TRMT11: variants seen among roughly 807,000 people sequenced by gnomAD.
The protein encoded by TRMT11 is tRNA (guanine(10)-N(2))-methyltransferase TRMT11.
TRMT11 carries 53 observed loss-of-function variants against 62.8 expected under a neutral mutation model. The ratio of observed to expected loss-of-function variants is 0.84; its 90% CI spans 0.68 to 1.06. The LOEUF is 1.06. Ranked by LOEUF, TRMT11 falls within the 50% of genes least tolerant of loss-of-function variation. TRMT11 has a pLI of 0.00. For missense variants in TRMT11, 556 were observed against 553.4 expected (o/e 1.00, Z -0.05); for synonymous variants, 188 against 190.3 (o/e 0.99, Z 0.10).
At chr6:126,074,650 AT>A (rs1295308900) in intron 17 of TRMT11, among the ~76,000 whole-genome samples, 1 of 152,052 alleles carries the variant, frequency 6.6e-6, no homozygotes, top group African/African-American at 2.4e-5. Context: ...TTTCTTAAGA[AT>A]TTTTTTATGT....
Position 126,021,936 on chromosome 6 carries a change from C to T in TRMT11, c.1260+656C>T, listed in dbSNP as rs141643708. On this transcript the variant is annotated intron_variant, in intron 12 of 12. Transcript: ENST00000334379. ...AAAGCTCTTTGGGCTGTACTTCTGT[C>T]GATTGACAACCAAAGCTCTCTTAAA... 9.2e-5 allele frequency among the ~76,000 whole-genome samples: 14 copies of T among 152,092 alleles called. No individual in the cohort carries two copies. In the East Asian group the frequency reaches 1.9e-3, roughly 21 times the overall value.
At chr6:126,089,714 CTTAAT>C (rs528108824) in intron 17 of TRMT11, among the ~76,000 whole-genome samples, 1 of 152,162 alleles carries the variant, frequency 6.6e-6, no homozygotes, top group Non-Finnish European at 1.5e-5. Flanking sequence ...AGGTTTTCTT[CTTAAT>C]TTAAGTTCAA....
intron 7 of TRMT11, among the ~76,000 whole-genome samples, chr6:126,008,176 A>G (rs1426464631): frequency 6.6e-6 from 1 of 152,044 alleles, no homozygotes; most frequent in African/African-American, 2.4e-5. Context: ...TAATGATGCC[A>G]GGGTATACAT....
intron 12 of TRMT11, among the ~76,000 whole-genome samples, chr6:126,031,885 G>A (rs1176003976): frequency 6.6e-6 from 1 of 152,140 alleles, no homozygotes; most frequent in African/African-American, 2.4e-5. Context: ...ATACTACTGA[G>A]GGGGCTCCTG....
At chr6:126,115,636 G>A (rs1373328459) in intron 20 of TRMT11, among the ~76,000 whole-genome samples, 1 of 152,204 alleles carries the variant, frequency 6.6e-6, no homozygotes, top group Admixed American at 6.5e-5. Context: ...AGAAACATTA[G>A]AACATTGCTC....
chr6:126,104,948 T>G (rs1233686759), intron 17 of TRMT11, among the ~76,000 whole-genome samples: 1 of 152,232 alleles, frequency 6.6e-6, no homozygotes, highest in African/African-American at 2.4e-5. Context: ...TATGCCTTTT[T>G]AAATAATACA....
At chr6:126,014,976 A>C (rs1794765274) in intron 11 of TRMT11, among the ~76,000 whole-genome samples, 1 of 152,156 alleles carries the variant, frequency 6.6e-6, no homozygotes, top group Non-Finnish European at 1.5e-5. Flanking sequence ...TTTTCAGATA[A>C]GAGTATATTT....
At chr6:126,100,933 A>G (rs1777392432) in intron 17 of TRMT11, among the ~76,000 whole-genome samples, 1 of 152,112 alleles carries the variant, frequency 6.6e-6, no homozygotes, top group Non-Finnish European at 1.5e-5. Context: ...TGATTCTCAT[A>G]AGGAGCATGC....
intron 3 of TRMT11, among the ~76,000 whole-genome samples, chr6:126,200,878 G>A (rs1012148795): frequency 2.0e-5 from 3 of 152,158 alleles, no homozygotes; most frequent in Admixed American, 2.0e-4. Flanking sequence ...AATAAAGGCT[G>A]ACTCATCATT....
chr6:126,247,356 C>A, the TRMT11 span, among the ~76,000 whole-genome samples: 1 of 151,748 alleles, frequency 6.6e-6, no homozygotes, highest in Non-Finnish European at 1.5e-5. Flanking sequence ...CACACGCACA[C>A]ACATATACAC....
chr6:126,078,891 A>T (rs891826473), intron 17 of TRMT11, among the ~76,000 whole-genome samples: 6 of 152,210 alleles, frequency 3.9e-5, no homozygotes, highest in African/African-American at 1.4e-4. Context: ...GCGAATATTT[A>T]TTAAGAATTT....
upstream of TRMT11, among the ~76,000 whole-genome samples, chr6:126,174,628 G>A (rs1778365110): frequency 1.3e-5 from 2 of 152,130 alleles, no homozygotes; most frequent in Admixed American, 6.5e-5. Flanking sequence ...TGTAAAATAG[G>A]AACAGTATTT....
At chr6:126,078,556 G>A (rs1190344274) in intron 17 of TRMT11, among the ~76,000 whole-genome samples, 6 of 152,058 alleles carry the variant, frequency 3.9e-5, no homozygotes, top group South Asian at 2.1e-4. Context: ...TTGTAACGTC[G>A]TCCTTACTGC....
chr6:126,200,852 C>A (rs1416567137), intron 3 of TRMT11, among the ~76,000 whole-genome samples: 2 of 152,200 alleles, frequency 1.3e-5, no homozygotes, highest in Non-Finnish European at 2.9e-5. Flanking sequence ...CGCGCCCGGC[C>A]CGACATGCAT....
At chr6:126,036,587 A>G (rs1775234393) in intron 12 of TRMT11, among the ~76,000 whole-genome samples, 3 of 152,104 alleles carry the variant, frequency 2.0e-5, no homozygotes, top group Admixed American at 2.0e-4. Context: ...TGGATGGGGA[A>G]CAATGCCAAG....
At chr6:126,184,310 G>C (rs765486620) in intron 1 of TRMT11, among the ~76,000 whole-genome samples, 1 of 152,222 alleles carries the variant, frequency 6.6e-6, no homozygotes, top group East Asian at 1.9e-4. Context: ...TATATTATAT[G>C]TGTTCTCTAA....
At chr6:126,012,911 G>C in intron 10 of TRMT11, 59 bp downstream of exon 10, 2 of 1,609,408 alleles carry the variant, frequency 1.2e-6, no homozygotes, top group African/African-American at 1.3e-5. Flanking sequence ...TGGCTTCCCC[G>C]TTAACTTAGC....
In TRMT11 at chr6:125,989,839, T is replaced by C. The variant is rs143012433; in HGVS notation, c.72+3217T>C. Among the ~76,000 whole-genome samples the C allele has an allele frequency of 1.8e-4, 28 of 152,298 alleles. No individual in the cohort carries two copies. The East Asian group carries it at 3.3e-3, about 18-fold the overall frequency. On this transcript the variant is annotated intron_variant, in intron 1 of 12. Coordinates refer to ENST00000334379, the MANE Select transcript of TRMT11 (RefSeq NM_001031712.3). ...CTTTGTGCTTTCACTTCCCACCTAG[T>C]CCTTAGTGCTGCCAAAACTGACTCA... is the stretch of plus-strand genomic sequence containing the variant.
At chr6:126,092,635 A>G (rs777113243) in intron 17 of TRMT11, among the ~76,000 whole-genome samples, 11 of 152,118 alleles carry the variant, frequency 7.2e-5, no homozygotes, top group Non-Finnish European at 1.5e-4. Context: ...ACTAGAGAAC[A>G]CAATGAATAC....
Sources: allele counts gnomAD v4.1 joint callset (sites outside exome capture counted in the v4.1 genomes callset), GRCh38; gene constraint gnomAD v4.1.1; transcripts MANE v1.5; gene names NCBI Gene and HGNC (gene_info 2026-07-23, HGNC 2026-07-21).